The following TMEM132C variants were observed in gnomAD, a reference collection of about 807,000 sequenced individuals.
TMEM132C encodes the protein transmembrane protein 132C, also known as protein phosphatase 1, regulatory subunit 152.
In TMEM132C, 29 loss-of-function variants were observed where a neutral mutation model predicts 61.4. That is an observed-to-expected ratio of 0.47 (90% CI 0.35 to 0.64). The LOEUF is 0.64. Among genes scored for constraint, TMEM132C ranks in the 30% least tolerant of loss-of-function variants. The pLI is 0.00. For missense variants in TMEM132C, 1,408 were observed against 1,476.9 expected (o/e 0.95, Z 0.76); for synonymous variants, 656 against 633.1 (o/e 1.04, Z -0.54).
intron 2 of TMEM132C, among the ~76,000 whole-genome samples, chr12:128,491,825 C>T (rs1044261183): frequency 2.0e-5 from 3 of 151,666 alleles, no homozygotes; most frequent in Admixed American, 6.6e-5. Flanking sequence ...GGACCACTTG[C>T]CAGTGACCTT....
intron 2 of TMEM132C, among the ~76,000 whole-genome samples, chr12:128,434,686 T>TCTGC: frequency 6.6e-6 from 1 of 152,226 alleles, no homozygotes; most frequent in Non-Finnish European, 1.5e-5. Flanking sequence ...CACTGCAACC[T>TCTGC]CTGCCTCCGG....
At chr12:128,354,787 G>C (rs938420029) in intron 1 of TMEM132C, among the ~76,000 whole-genome samples, 1 of 152,230 alleles carries the variant, frequency 6.6e-6, no homozygotes, top group Admixed American at 6.5e-5. Context: ...TTGAGGAAGA[G>C]GTGAGCCATT....
chr12:128,373,263 G>T (rs941606449), intron 1 of TMEM132C, among the ~76,000 whole-genome samples: 3 of 152,070 alleles, frequency 2.0e-5, no homozygotes, highest in African/African-American at 7.2e-5. Context: ...AGAAAGGAAG[G>T]AGTGGAGCTG....
At chr12:128,491,958 G>A (rs969238832) in intron 2 of TMEM132C, among the ~76,000 whole-genome samples, 7 of 151,192 alleles carry the variant, frequency 4.6e-5, no homozygotes, top group African/African-American at 1.7e-4. Flanking sequence ...CCATTAACTC[G>A]TCGTTTACAT....
intron 4 of TMEM132C, among the ~76,000 whole-genome samples, chr12:128,662,043 CAG>C (rs1308336066): frequency 6.6e-6 from 1 of 151,908 alleles, no homozygotes; most frequent in Non-Finnish European, 1.5e-5. Flanking sequence ...GGAAAAATGA[CAG>C]AGGAGATTTT....
chr12:128,705,507 G>A lies in TMEM132C; in HGVS notation c.2539G>A (p.Glu847Lys). 1 of 1,550,960 alleles carries A rather than the reference G, an allele frequency of 6.4e-7. No homozygotes were observed. The highest frequency in any genetic ancestry group is 1.2e-5 in the South Asian group (1 of 84,044). Reference protein sequence around the residue: ...DGHLYGSSPVEREEGALRRAT... With the variant: ...DGHLYGSSPVKREEGALRRAT... Reference sequence around the variant, plus strand: ...GCACCTCTATGGCAGCTCTCCCGTGGAGCGTGAGGAAGGGGCTCTCCGAAG... The same window carrying A: ...GCACCTCTATGGCAGCTCTCCCGTGAAGCGTGAGGAAGGGGCTCTCCGAAG... Residue 847 changes from glutamate (E) to lysine (K), a missense_variant, in exon 9 of 9, where the codon GAG (glutamate) becomes AAG (lysine). Coordinates refer to ENST00000435159, the MANE Select transcript of TMEM132C (RefSeq NM_001136103.3).
chr12:128,359,010 T>C (rs1178771872), intron 1 of TMEM132C, among the ~76,000 whole-genome samples: 1 of 152,162 alleles, frequency 6.6e-6, no homozygotes, highest in Non-Finnish European at 1.5e-5. Context: ...ACACATCCAG[T>C]GCTCCCAGCA....
intron 3 of TMEM132C, among the ~76,000 whole-genome samples, chr12:128,567,793 C>T (rs1411930713): frequency 2.6e-5 from 4 of 152,186 alleles, no homozygotes; most frequent in Non-Finnish European, 5.9e-5. Context: ...TTCCTGTGGC[C>T]ATGCCAGAGT....
rs548336211 is a variant in TMEM132C at position 128,394,217 on chromosome 12, A to C, written c.86-20515A>C. ...CTACCATGAGAACACCACAGGAAAGACCTACCCCCATGCTTCAATTATCTC... is the reference window on the plus strand; with the variant it reads ...CTACCATGAGAACACCACAGGAAAGCCCTACCCCCATGCTTCAATTATCTC... On this transcript the variant is annotated intron_variant, in intron 1 of 8. Coordinates refer to ENST00000435159, the MANE Select transcript of TMEM132C (RefSeq NM_001136103.3). Among the ~76,000 whole-genome samples the C allele has an allele frequency of 3.3e-4, 50 of 152,182 alleles. 1 individual carries two copies. The highest frequency in any genetic ancestry group is 1.2e-3 in the African/African-American group (49 of 41,514).
At chr12:128,682,630 G>A (rs939644657) in intron 5 of TMEM132C, among the ~76,000 whole-genome samples, 3 of 152,188 alleles carry the variant, frequency 2.0e-5, no homozygotes, top group African/African-American at 7.2e-5. Context: ...ATCAGAAAAC[G>A]GATGCAAGAA....
chr12:128,486,635 C>T (rs1215850204), intron 2 of TMEM132C, among the ~76,000 whole-genome samples: 1 of 152,132 alleles, frequency 6.6e-6, no homozygotes, highest in East Asian at 1.9e-4. Flanking sequence ...TTTCACTTGC[C>T]TTTTTATATT....
intron 8 of TMEM132C, among the ~76,000 whole-genome samples, chr12:128,703,152 A>T (rs575400553): frequency 6.6e-6 from 1 of 151,788 alleles, no homozygotes; most frequent in African/African-American, 2.4e-5. Context: ...TATTTTTTTA[A>T]CTTTTATTTT....
At chr12:128,407,806 C>T (rs1875399633) in intron 1 of TMEM132C, among the ~76,000 whole-genome samples, 1 of 152,164 alleles carries the variant, frequency 6.6e-6, no homozygotes, top group Non-Finnish European at 1.5e-5. Flanking sequence ...GAAACTGACT[C>T]CACCTCTTGA....
At chr12:128,478,719 C>T (rs1871234033) in intron 2 of TMEM132C, among the ~76,000 whole-genome samples, 2 of 152,214 alleles carry the variant, frequency 1.3e-5, no homozygotes, top group East Asian at 1.9e-4. Flanking sequence ...AGCAAAGGCA[C>T]GTAAGCCTCC....
intron 1 of TMEM132C, among the ~76,000 whole-genome samples, chr12:128,323,856 C>T (rs762747070): frequency 1.3e-5 from 2 of 151,522 alleles, no homozygotes; most frequent in South Asian, 2.1e-4. Context: ...GCTGGGGAGG[C>T]GGCATCGATT....
At chr12:128,417,662 A>C (rs1868827131) in intron 2 of TMEM132C, among the ~76,000 whole-genome samples, 1 of 152,176 alleles carries the variant, frequency 6.6e-6, no homozygotes, top group South Asian at 2.1e-4. Flanking sequence ...GTGAGGATTC[A>C]GTGGGCTAAT....
chr12:128,346,344 T>C (rs1873159473), intron 1 of TMEM132C, among the ~76,000 whole-genome samples: 1 of 152,226 alleles, frequency 6.6e-6, no homozygotes, highest in Admixed American at 6.5e-5. Flanking sequence ...TGGTGATGCC[T>C]CCAGCTTTGT....
chr12:128,535,329 A>G (rs917536599), intron 2 of TMEM132C, among the ~76,000 whole-genome samples: 1 of 152,192 alleles, frequency 6.6e-6, no homozygotes, highest in African/African-American at 2.4e-5. Flanking sequence ...AAATGTTTGC[A>G]ATCTATCCAT....
chr12:128,461,544 A>G (rs1400685747), intron 2 of TMEM132C, among the ~76,000 whole-genome samples: 5 of 151,928 alleles, frequency 3.3e-5, no homozygotes, highest in African/African-American at 1.2e-4. Context: ...ATTGTTCCTC[A>G]TTTCCGGGAG....
Sources: gnomAD v4.1 joint callset for allele counts (sites outside exome capture counted in the v4.1 genomes callset) on GRCh38, gnomAD v4.1.1 for gene constraint, MANE v1.5 for transcripts, NCBI Gene and HGNC (gene_info 2026-07-23, HGNC 2026-07-21) for gene names.